RUFY3: variants seen among roughly 807,000 people sequenced by gnomAD.
RUFY3 encodes RUN and FYVE domain containing 3, also known as protein RUFY3.
In RUFY3, 34 loss-of-function variants were observed where a neutral mutation model predicts 84.0. That is an observed-to-expected ratio of 0.40 (90% CI 0.31 to 0.54). The LOEUF (loss-of-function observed/expected upper bound fraction) is 0.54. Among genes scored for constraint, RUFY3 ranks in the 20% least tolerant of loss-of-function variants. The probability of loss-of-function intolerance (pLI) is 0.39; values close to 1 mark genes in which losing one functional copy is unlikely to be tolerated. For synonymous variants in RUFY3, 242 were observed against 252.9 expected (o/e 0.96, Z 0.41); for missense variants, 507 against 736.8 (o/e 0.69, Z 3.61).
chr4:70,795,407 A>C (rs189541921), intron 14 of RUFY3, among the ~76,000 whole-genome samples: 26 of 152,314 alleles, frequency 1.7e-4, no homozygotes, highest in African/African-American at 6.0e-4. Flanking sequence ...GTAATACAGA[A>C]TAAAGAGCAA....
Position 70,789,490 on chromosome 4 carries a change from A to G in RUFY3, c.1240-5A>G. 6.2e-7 allele frequency: 1 copy of G among 1,608,752 alleles called. No individual in the cohort carries two copies. Among genetic ancestry groups the G allele is most frequent in the Non-Finnish European group, 8.5e-7 (1 of 1,177,792 alleles). On this transcript the variant is annotated splice_region_variant and splice_polypyrimidine_tract_variant and intron_variant, in intron 11 of 17. Coordinates refer to ENST00000381006, the MANE Select transcript of RUFY3 (RefSeq NM_001037442.4). ...CAGGTTGTTTATCGTTATTTTCCAT[A>G]ACAGAGTTCAGACTTAGGAGTAAAA...
At chr4:70,739,354 C>T (rs1389536777) in intron 1 of RUFY3, among the ~76,000 whole-genome samples, 5 of 151,956 alleles carry the variant, frequency 3.3e-5, no homozygotes, top group Admixed American at 1.3e-4. Context: ...TGAATAATTA[C>T]GGCAAATATA....
At chr4:70,740,601 T>C (rs1405786799) in intron 1 of RUFY3, among the ~76,000 whole-genome samples, 1 of 152,218 alleles carries the variant, frequency 6.6e-6, no homozygotes, top group Admixed American at 6.5e-5. Flanking sequence ...ACAGCAAGTC[T>C]GTAAAGTAAT....
intron 1 of RUFY3, among the ~76,000 whole-genome samples, chr4:70,713,606 G>C (rs576583768): frequency 1.3e-4 from 20 of 152,280 alleles, no homozygotes; most frequent in African/African-American, 4.6e-4. Flanking sequence ...TGATGTGTAG[G>C]AAAGGAGAGC....
intron 15 of RUFY3, 43 bp from the exon 16 acceptor site, chr4:70,802,913 A>G (rs1170121223): frequency 3.4e-6 from 5 of 1,466,672 alleles, no homozygotes; most frequent in Non-Finnish European, 4.7e-6. Flanking sequence ...ATGAAAATAC[A>G]TGAAGTTCCT....
At chr4:70,705,721 C>T (rs1013042336) in intron 1 of RUFY3, among the ~76,000 whole-genome samples, 1 of 152,230 alleles carries the variant, frequency 6.6e-6, no homozygotes, top group East Asian at 1.9e-4. Context: ...GCCCGGAGAC[C>T]CCGTGGCCCC....
rs1334531267 is a variant in RUFY3, at chr4:70,789,543, G to A, written c.1288G>A (p.Glu430Lys). ...GAAAAGTGAACTAAACAGTCGCTTG[G>A]AAGAGAAGACTAATCAGATGGCTGC... is the stretch of plus-strand genomic sequence containing the variant. ...KQKSELNSRL[E>K]EKTNQMAATI... is the part of the protein sequence containing the mutation. Residue 430 changes from glutamate (E) to lysine (K), a missense_variant, in exon 12 of 18, where the codon GAA (glutamate) becomes AAA (lysine). By Grantham distance (56) the Glu-to-Lys change is moderately conservative. Coordinates refer to ENST00000381006, the MANE Select transcript of RUFY3 (RefSeq NM_001037442.4). 1 of 1,613,058 alleles carries A rather than the reference G, an allele frequency of 6.2e-7. No individual in the cohort carries two copies. The highest frequency in any genetic ancestry group is 8.5e-7 in the Non-Finnish European group (1 of 1,179,384).
intron 12 of RUFY3, chr4:70,792,020 A>G (rs1310636362): frequency 1.0e-6 from 1 of 985,176 alleles, no homozygotes; most frequent in Non-Finnish European, 1.2e-6. Context: ...CGCCTGGGGA[A>G]ACCCTCCTCA....
At position 70,722,426 on chromosome 4, in the gene RUFY3, T is replaced by C. The variant is rs978585672; in HGVS notation, c.-148T>C. 1 of 1,354,644 alleles carries C rather than the reference T, an allele frequency of 7.4e-7. No homozygotes were observed. The highest frequency in any genetic ancestry group is 1.5e-5 in the African/African-American group (1 of 68,790). 83.9% of individuals were successfully genotyped at this position (1,354,644 alleles called of 1,614,324 possible). A position where few individuals can be genotyped will look rare whatever the true frequency, so the allele number is the denominator to read the frequency against. ...TAAGGTATTTTTCCTTTTTTTTTTT[T>C]TTAAACCTCCCCCACCCTTTTCCTG... On this transcript the variant is annotated 5_prime_UTR_variant, in exon 1 of 18. Transcript: ENST00000381006.
intron 1 of RUFY3, among the ~76,000 whole-genome samples, chr4:70,731,420 T>C (rs1339026159): frequency 6.6e-6 from 1 of 152,178 alleles, no homozygotes; most frequent in Non-Finnish European, 1.5e-5. Context: ...TTTTATAAAG[T>C]AAATGAAAAT....
At chr4:70,793,086 G>T (rs11799) in intron 12 of RUFY3, 38,461 of 985,226 alleles carry the variant, frequency 0.039, 1,264 homozygotes, top group East Asian at 0.2. Context: ...TATAAGATAT[G>T]TAGAAGAAAA....
chr4:70,802,561 A>G lies in RUFY3; in HGVS notation c.1623-395A>G, dbSNP rs116370381. ...ATTTGGGACTGATACACAACATGTG[A>G]TAATGGATAATGGATAGATTTCCAT... is the stretch of plus-strand genomic sequence containing the variant. On this transcript the variant is annotated intron_variant, in intron 15 of 17. Transcript: ENST00000381006. Among the ~76,000 whole-genome samples, 478 of 152,360 alleles carry G rather than the reference A, an allele frequency of 3.1e-3. 4 individuals are homozygous for G. Among genetic ancestry groups the G allele is most frequent in the African/African-American group, 0.011 (461 of 41,590 alleles).
intron 1 of RUFY3, among the ~76,000 whole-genome samples, chr4:70,705,935 G>GT (rs774026840): frequency 2.0e-5 from 3 of 152,214 alleles, no homozygotes; most frequent in Non-Finnish European, 2.9e-5. Flanking sequence ...AGAAGGGAAT[G>GT]TGTGGCTTTG....
intron 1 of RUFY3, among the ~76,000 whole-genome samples, chr4:70,737,421 T>C (rs1302097632): frequency 6.6e-6 from 1 of 152,180 alleles, no homozygotes; most frequent in Non-Finnish European, 1.5e-5. Flanking sequence ...GTATGTGAGA[T>C]GTACTACATT....
intron 1 of RUFY3, among the ~76,000 whole-genome samples, chr4:70,714,706 GAT>G (rs1191077210): frequency 6.6e-6 from 1 of 152,232 alleles, no homozygotes; most frequent in Non-Finnish European, 1.5e-5. Flanking sequence ...ATTTTGAGTA[GAT>G]ACGTAAGAGG....
rs116517413 is a variant in RUFY3 at position 70,714,250 on chromosome 4, A to G, written c.358+8956A>G. Among the ~76,000 whole-genome samples, 485 of 152,300 alleles carry G rather than the reference A, an allele frequency of 3.2e-3. 4 individuals carry two copies. The highest frequency in any genetic ancestry group is 0.011 in the African/African-American group (461 of 41,548). The stretch of plus-strand genomic sequence containing the variant: ...TAGATTAGAGGCACGTCTTCAGGCA[A>G]CCAGCCCTCTGGTTCCATATTCTAC... On this transcript the variant is annotated intron_variant, in intron 1 of 11. Coordinates refer to the RUFY3 transcript ENST00000417478.
At chr4:70,789,806 A>G (rs1706664921) in intron 12 of RUFY3, 1 of 1,182,870 alleles carries the variant, frequency 8.5e-7, no homozygotes, top group Non-Finnish European at 1.1e-6. Flanking sequence ...TAGCCTTTAA[A>G]AAAAAAAAAG....
exon 1 of RUFY3, chr4:70,704,805 C>A (rs1740063009): frequency 1.7e-6 from 1 of 576,462 alleles, no homozygotes; most frequent in Non-Finnish European, 2.5e-6. Flanking sequence ...CAGCCCGTGG[C>A]CGAGAAGAAA....
At chr4:70,791,175 T>C (rs1280921703) in intron 12 of RUFY3, 2 of 1,477,752 alleles carry the variant, frequency 1.4e-6, no homozygotes, top group Admixed American at 3.4e-5. Context: ...TTCCTGTTTA[T>C]CCATTTTCTC....
Sources: gnomAD v4.1 joint callset for allele counts (sites outside exome capture counted in the v4.1 genomes callset) on GRCh38, gnomAD v4.1.1 for gene constraint, MANE v1.5 for transcripts, NCBI Gene and HGNC (gene_info 2026-07-23, HGNC 2026-07-21) for gene names.